The following NCOA2 variants were observed in gnomAD, a reference collection of about 807,000 sequenced individuals.
NCOA2 encodes nuclear receptor coactivator 2.
Under a neutral mutation model 145.1 loss-of-function variants are expected in NCOA2, and 21 were observed. That is an observed-to-expected ratio of 0.14 (90% CI 0.10 to 0.21). The LOEUF is 0.21. Ranked by LOEUF, NCOA2 falls within the 10% of genes least tolerant of loss-of-function variation. The pLI is 1.00. For synonymous variants in NCOA2, 619 were observed against 637.5 expected (o/e 0.97, Z 0.44); for missense variants, 1,472 against 1,837.6 (o/e 0.80, Z 3.64).
intron 1 of NCOA2, among the ~76,000 whole-genome samples, chr8:70,330,699 C>T (rs543497180): frequency 2.0e-5 from 3 of 151,998 alleles, no homozygotes; most frequent in South Asian, 4.2e-4. Context: ...TGTCATAGTA[C>T]AAAAGCAAAA....
intron 4 of NCOA2, among the ~76,000 whole-genome samples, chr8:70,202,031 AT>A (rs1447130395): frequency 6.6e-6 from 1 of 152,230 alleles, no homozygotes; most frequent in Non-Finnish European, 1.5e-5. Flanking sequence ...GCATTCTGTG[AT>A]GCAATATAGT....
At chr8:70,160,048 C>T (rs1319264782) in intron 9 of NCOA2, among the ~76,000 whole-genome samples, 3 of 152,138 alleles carry the variant, frequency 2.0e-5, no homozygotes, top group Non-Finnish European at 4.4e-5. Context: ...TACAATATGA[C>T]TTTAATTTCC....
Position 70,176,753 on chromosome 8 carries a change from C to T in NCOA2, c.260-1894G>A, listed in dbSNP as rs192217730. ...GGAATAGGATTTGTACTGCTACCTG[C>T]TGCTTCATCTAATTTTCAAGGGCCA... On this transcript the variant is annotated intron_variant, in intron 4 of 22. Coordinates refer to ENST00000452400, the MANE Select transcript of NCOA2 (RefSeq NM_006540.4). Among the ~76,000 whole-genome samples, 259 of 152,290 alleles carry T rather than the reference C, an allele frequency of 1.7e-3. 2 individuals are homozygous for T. Among genetic ancestry groups the T allele is most frequent in the African/African-American group, 5.6e-3 (233 of 41,574 alleles).
chr8:70,344,657 T>G (rs1808451716), intron 1 of NCOA2, among the ~76,000 whole-genome samples: 1 of 152,126 alleles, frequency 6.6e-6, no homozygotes, highest in Admixed American at 6.5e-5. Context: ...GATAGATGGC[T>G]TCTCTGGACT....
At chr8:70,271,932 T>C (rs1414617692) in intron 2 of NCOA2, among the ~76,000 whole-genome samples, 2 of 152,182 alleles carry the variant, frequency 1.3e-5, no homozygotes, top group Non-Finnish European at 2.9e-5. Context: ...TTACTTTCCA[T>C]AGGAAAAACT....
chr8:70,340,456 G>A (rs899938834), intron 1 of NCOA2, among the ~76,000 whole-genome samples: 17 of 152,138 alleles, frequency 1.1e-4, no homozygotes, highest in Admixed American at 6.5e-5. Flanking sequence ...AAATGCTAGC[G>A]AGGTTGCAGA....
chr8:70,424,203 C>A, the NCOA2 span: 1 of 319,278 alleles, frequency 3.1e-6, no homozygotes, highest in Non-Finnish European at 6.0e-6. Flanking sequence ...CACGAAGACC[C>A]CAGAAGTGGT....
rs551174039 is a variant in NCOA2, at chr8:70,184,332, T to C, written c.260-9473A>G. 7.9e-4 allele frequency among the ~76,000 whole-genome samples: 121 copies of C among 152,308 alleles called. 1 individual carries two copies. The highest frequency in any genetic ancestry group is 1.3e-3 in the Non-Finnish European group (88 of 68,018). ...GATCTGGGTAACACAGACATTTTTT[T>C]CAGTCCTTGGGATTTTCCCAGCCAC... On this transcript the variant is annotated intron_variant, in intron 4 of 22. Coordinates refer to ENST00000452400, the MANE Select transcript of NCOA2 (RefSeq NM_006540.4).
At chr8:70,306,451 A>G (rs1008798817) in intron 1 of NCOA2, among the ~76,000 whole-genome samples, 4 of 152,250 alleles carry the variant, frequency 2.6e-5, no homozygotes, top group African/African-American at 9.6e-5. Context: ...GCTAGAATTT[A>G]TTGATAAAAT....
chr8:70,357,820 G>C (rs1809860214), intron 1 of NCOA2, among the ~76,000 whole-genome samples: 1 of 152,090 alleles, frequency 6.6e-6, no homozygotes, highest in Admixed American at 6.6e-5. Flanking sequence ...GGAGGCCAAG[G>C]CGAGTGGATC....
At chr8:70,286,997 T>C (rs1460098772) in intron 2 of NCOA2, among the ~76,000 whole-genome samples, 2 of 152,126 alleles carry the variant, frequency 1.3e-5, no homozygotes, top group East Asian at 3.9e-4. Flanking sequence ...AAACCCAGCA[T>C]TTAGGGAGGC....
chr8:70,128,858 A>T lies in NCOA2; in HGVS notation c.3447T>A (p.Ser1149=). 6.2e-7 allele frequency: 1 copy of T among 1,613,982 alleles called. No homozygotes were observed. The highest frequency in any genetic ancestry group is 8.5e-7 in the Non-Finnish European group (1 of 1,179,892). The change falls in exon 17 of 23, where the codon TCT becomes TCA. Residue 1149 remains serine, a synonymous_variant. Transcript: ENST00000452400. ...SQAQMAQGSY[S]PMQDPNFHTM... ...TGTGAAAGTTTGGATCTTGCATGGG[A>T]GAATAGCTACCCTGGGCCATTTGTG...
chr8:70,283,075 T>C (rs1826000672), intron 2 of NCOA2, among the ~76,000 whole-genome samples: 1 of 152,242 alleles, frequency 6.6e-6, no homozygotes, highest in Admixed American at 6.5e-5. Context: ...CTCTGGTTCA[T>C]GCTGACTTAA....
intron 1 of NCOA2, among the ~76,000 whole-genome samples, chr8:70,376,358 T>TAC (rs1454467533): frequency 1.3e-5 from 2 of 151,028 alleles, no homozygotes; most frequent in Non-Finnish European, 2.9e-5. Context: ...AGTGGCCCAG[T>TAC]ACACACACAC....
chr8:70,289,016 A>G (rs1196108120), intron 2 of NCOA2, among the ~76,000 whole-genome samples: 1 of 152,250 alleles, frequency 6.6e-6, no homozygotes, highest in Non-Finnish European at 1.5e-5. Context: ...GAAACTCATC[A>G]AACCAATTTG....
At chr8:70,415,162 A>G in the NCOA2 span, among the ~76,000 whole-genome samples, 3 of 151,434 alleles carry the variant, frequency 2.0e-5, no homozygotes, top group African/African-American at 2.4e-5. Context: ...TTCAAAATTA[A>G]CCTGAGTTTT....
At chr8:70,214,991 T>A (rs1224219522) in intron 3 of NCOA2, among the ~76,000 whole-genome samples, 1 of 152,164 alleles carries the variant, frequency 6.6e-6, no homozygotes, top group African/African-American at 2.4e-5. Flanking sequence ...GACTTTCATA[T>A]ATGCATCTCT....
intron 2 of NCOA2, among the ~76,000 whole-genome samples, chr8:70,263,530 T>G (rs562640093): frequency 6.6e-6 from 1 of 152,056 alleles, no homozygotes; most frequent in South Asian, 2.1e-4. Flanking sequence ...TTCTATCATA[T>G]TAACAGAGCT....
At chr8:70,175,510 C>T (rs947880101) in intron 4 of NCOA2, among the ~76,000 whole-genome samples, 2 of 152,200 alleles carry the variant, frequency 1.3e-5, no homozygotes, top group Admixed American at 6.5e-5. Flanking sequence ...GCGTAGCGTG[C>T]GCTCCTGGAT....
Sources: gnomAD v4.1 joint callset for allele counts (sites outside exome capture counted in the v4.1 genomes callset) on GRCh38, gnomAD v4.1.1 for gene constraint, MANE v1.5 for transcripts, NCBI Gene and HGNC (gene_info 2026-07-23, HGNC 2026-07-21) for gene names.